Variants in GLDC observed in about 807,000 individuals in gnomAD.
GLDC encodes glycine dehydrogenase (decarboxylating), mitochondrial.
A neutral mutation model predicts 121.3 loss-of-function variants in GLDC; 104 were observed. That is an observed-to-expected ratio of 0.86 (90% CI 0.73 to 1.01). The LOEUF is 1.01. GLDC is among the 50% of genes least tolerant of loss of function. The probability of loss-of-function intolerance (pLI) is 0.00; values close to 1 mark genes in which losing one functional copy is unlikely to be tolerated. For missense variants in GLDC, 1,429 were observed against 1,306.6 expected, an observed-to-expected ratio of 1.09 and a Z score of -1.44; for synonymous variants, 546 against 480.6, an observed-to-expected ratio of 1.14 and a Z score of -1.78.
chr9:6,596,344 T>G (rs1466977455), intron 8 of GLDC, among the ~76,000 whole-genome samples: 1 of 152,136 alleles, frequency 6.6e-6, no homozygotes, highest in Non-Finnish European at 1.5e-5. Flanking sequence ...ATAAAACCAC[T>G]TTTTAAAAAC....
intron 17 of GLDC, among the ~76,000 whole-genome samples, chr9:6,556,853 A>G (rs1238330014): frequency 1.3e-5 from 2 of 152,152 alleles, no homozygotes; most frequent in South Asian, 2.1e-4. Flanking sequence ...CTAGGTCTCT[A>G]TGGTCCAGAC....
At chr9:6,630,709 G>A (rs1001685204) in intron 2 of GLDC, among the ~76,000 whole-genome samples, 6 of 152,122 alleles carry the variant, frequency 3.9e-5, no homozygotes, top group African/African-American at 9.7e-5. Flanking sequence ...GGGTGGGGCT[G>A]GGGTGTCAAT....
chr9:6,544,965 G>A (rs183032527), intron 21 of GLDC, among the ~76,000 whole-genome samples: 5 of 152,172 alleles, frequency 3.3e-5, no homozygotes, highest in Non-Finnish European at 5.9e-5. Flanking sequence ...CAGGCATGGT[G>A]GTGCATGCCT....
intron 20 of GLDC, among the ~76,000 whole-genome samples, chr9:6,552,332 A>C (rs1388300703): frequency 3.3e-5 from 5 of 152,208 alleles, no homozygotes; most frequent in African/African-American, 1.2e-4. Flanking sequence ...AGTCATCTCC[A>C]ACCCAAATAT....
At chr9:6,576,262 C>T (rs557745361) in intron 15 of GLDC, among the ~76,000 whole-genome samples, 1 of 152,172 alleles carries the variant, frequency 6.6e-6, no homozygotes, top group Non-Finnish European at 1.5e-5. Context: ...GACTTAGTGT[C>T]TAGTGAGGGC....
intron 3 of GLDC, among the ~76,000 whole-genome samples, chr9:6,611,468 A>G (rs1818854112): frequency 6.6e-6 from 1 of 152,076 alleles, no homozygotes; most frequent in Non-Finnish European, 1.5e-5. Flanking sequence ...AGGCAGGAGA[A>G]TCGCTTGAAC....
At chr9:6,544,684 C>T (rs1817349622) in intron 21 of GLDC, among the ~76,000 whole-genome samples, 1 of 148,160 alleles carries the variant, frequency 6.7e-6, no homozygotes, top group Admixed American at 6.7e-5. Flanking sequence ...GAAATTAAAA[C>T]ATAAAGAAAA....
At chr9:6,600,933 G>C (rs1199685075) in intron 8 of GLDC, among the ~76,000 whole-genome samples, 1 of 152,148 alleles carries the variant, frequency 6.6e-6, no homozygotes, top group African/African-American at 2.4e-5. Context: ...CCAACACTTT[G>C]GGAGGCCGAG....
At chr9:6,584,033 A>T (rs893769930) in intron 15 of GLDC, among the ~76,000 whole-genome samples, 1 of 152,252 alleles carries the variant, frequency 6.6e-6, no homozygotes, top group African/African-American at 2.4e-5. Flanking sequence ...ATTTTGTGTT[A>T]TGTATATTTT....
chr9:6,543,892 A>AGG (rs56906794), intron 21 of GLDC, among the ~76,000 whole-genome samples: 1,730 of 148,500 alleles, frequency 0.012, 27 homozygotes, highest in African/African-American at 0.037. Flanking sequence ...GGAGGACAGG[A>AGG]GGGGGGGGGA....
rs139797508 is a variant in GLDC, at chr9:6,591,186, A to G, written c.1482+957T>C. 9.2e-5 allele frequency among the ~76,000 whole-genome samples: 14 copies of G among 152,312 alleles called. No individual in the cohort carries two copies. In the East Asian group the frequency reaches 2.1e-3, roughly 23 times the overall value. On this transcript the variant is annotated intron_variant, in intron 11 of 24. Transcript: ENST00000321612. Reference sequence around the variant, plus strand: ...AGCAACTCATTACACTGAACTGCTTATAGCTTTCATGTACTCCCTCTCCCA... The same window carrying G: ...AGCAACTCATTACACTGAACTGCTTGTAGCTTTCATGTACTCCCTCTCCCA...
intron 17 of GLDC, among the ~76,000 whole-genome samples, chr9:6,557,307 G>C (rs546243000): frequency 1.3e-5 from 2 of 152,202 alleles, no homozygotes; most frequent in African/African-American, 4.8e-5. Context: ...AAAAGATAAA[G>C]AACAGAGGCC....
intron 1 of GLDC, 26 bp downstream of exon 1, chr9:6,645,219 G>C: frequency 6.4e-7 from 1 of 1,561,250 alleles, no homozygotes; most frequent in Non-Finnish European, 8.7e-7. Flanking sequence ...AGGGGAGGCC[G>C]CGGAGGGCCG....
At chr9:6,582,358 A>G (rs2129815151) in intron 15 of GLDC, among the ~76,000 whole-genome samples, 1 of 150,706 alleles carries the variant, frequency 6.6e-6, no homozygotes, top group South Asian at 2.1e-4. Flanking sequence ...GTCTCTACTA[A>G]AAATACAAAA....
chr9:6,598,998 T>C (rs1818545191), intron 8 of GLDC, among the ~76,000 whole-genome samples: 1 of 152,038 alleles, frequency 6.6e-6, no homozygotes, highest in South Asian at 2.1e-4. Context: ...CTGGCCAGCA[T>C]GGTGAAACCC....
chr9:6,559,859 C>G (rs147518905), intron 16 of GLDC, among the ~76,000 whole-genome samples: 1 of 152,072 alleles, frequency 6.6e-6, no homozygotes, highest in Non-Finnish European at 1.5e-5. Context: ...ACCCCTACCC[C>G]GGGTTCACAC....
At chr9:6,607,504 C>T (rs578183855) in intron 4 of GLDC, among the ~76,000 whole-genome samples, 2 of 152,068 alleles carry the variant, frequency 1.3e-5, no homozygotes, top group Non-Finnish European at 2.9e-5. Context: ...ATTGCTTGAA[C>T]CCGGGAGGCA....
intron 24 of GLDC, 148 bp downstream of exon 24, chr9:6,534,557 TTTC>T: frequency 1.5e-6 from 1 of 645,634 alleles, no homozygotes; most frequent in South Asian, 1.6e-5. Flanking sequence ...TGAAAGCCAA[TTTC>T]TTTGCTCCTC....
chr9:6,546,864 AGG>A (rs1817403194), intron 21 of GLDC, among the ~76,000 whole-genome samples: 1 of 152,006 alleles, frequency 6.6e-6, no homozygotes, highest in African/African-American at 2.4e-5. Flanking sequence ...GGGGAAGCTG[AGG>A]CAGGAGAATC....
Sources: allele counts gnomAD v4.1 joint callset (sites outside exome capture counted in the v4.1 genomes callset), GRCh38; gene constraint gnomAD v4.1.1; transcripts MANE v1.5; gene names NCBI Gene and HGNC (gene_info 2026-07-23, HGNC 2026-07-21).